The following ST6GALNAC3 variants were observed in gnomAD, a reference collection of about 807,000 sequenced individuals.
ST6GALNAC3 encodes ST6 N-acetylgalactosaminide alpha-2,6-sialyltransferase 3, also known as alpha-N-acetylgalactosaminide alpha-2,6-sialyltransferase 3.
A neutral mutation model predicts 32.7 loss-of-function variants in ST6GALNAC3; 25 were observed. The observed-to-expected ratio is 0.76, with a 90% CI of 0.56 to 1.07. The LOEUF (loss-of-function observed/expected upper bound fraction) is 1.07, where lower values mean the gene tolerates loss of function less well. ST6GALNAC3 is among the 50% of genes least tolerant of loss of function. The pLI, the probability that ST6GALNAC3 is intolerant of heterozygous loss-of-function variation, is 0.00. For missense variants in ST6GALNAC3, 355 were observed against 382.4 expected, an observed-to-expected ratio of 0.93 and a Z score of 0.60; for synonymous variants, 129 against 133.1, an observed-to-expected ratio of 0.97 and a Z score of 0.21.
intron 1 of ST6GALNAC3, among the ~76,000 whole-genome samples, chr1:76,139,233 C>T (rs1378826619): frequency 6.6e-6 from 1 of 151,882 alleles, no homozygotes; most frequent in Non-Finnish European, 1.5e-5. Flanking sequence ...CCTACACATA[C>T]ATGCACAATC....
intron 3 of ST6GALNAC3, among the ~76,000 whole-genome samples, chr1:76,586,207 G>C (rs1646960390): frequency 6.6e-6 from 1 of 152,154 alleles, no homozygotes; most frequent in African/African-American, 2.4e-5. Context: ...ACTATATTTA[G>C]AAGTCTGAAT....
intron 1 of ST6GALNAC3, among the ~76,000 whole-genome samples, chr1:76,131,292 C>A (rs967274485): frequency 6.6e-6 from 1 of 152,204 alleles, no homozygotes; most frequent in Non-Finnish European, 1.5e-5. Context: ...GCCACTTGTT[C>A]TTCAGTGGGA....
At chr1:76,514,774 C>T (rs12725146) in intron 3 of ST6GALNAC3, among the ~76,000 whole-genome samples, 7 of 152,078 alleles carry the variant, frequency 4.6e-5, no homozygotes, top group Non-Finnish European at 1.0e-4. Context: ...CTGGTATTCT[C>T]TTATTACAAC....
chr1:76,435,187 A>G lies in ST6GALNAC3; in HGVS notation c.623+22770A>G, dbSNP rs565367992. On this transcript the variant is annotated intron_variant, in intron 3 of 4. Coordinates refer to ENST00000328299, the MANE Select transcript of ST6GALNAC3 (RefSeq NM_152996.4). ...ATCTATAAAATTGACTTAAACGTCT[A>G]TGTATTCAATATTCAAAAAGTATAT... 2.1e-3 allele frequency among the ~76,000 whole-genome samples: 323 copies of G among 152,266 alleles called. 2 individuals carry two copies. Among genetic ancestry groups the G allele is most frequent in the African/African-American group, 7.5e-3 (312 of 41,578 alleles).
chr1:76,290,538 G>A (rs1660026046), intron 1 of ST6GALNAC3, among the ~76,000 whole-genome samples: 3 of 152,048 alleles, frequency 2.0e-5, no homozygotes, highest in African/African-American at 4.8e-5. Flanking sequence ...ATGTGGGTAC[G>A]TGTCTACAGC....
In ST6GALNAC3 at chr1:76,397,007, T is replaced by C. The variant is rs540444054; in HGVS notation, c.214-15001T>C. ...TGGCACTTCATTAAAGCAGTAAAAA[T>C]ACTGTGGGCTCAGTAATCTCATTTA... On this transcript the variant is annotated intron_variant, in intron 2 of 4. Transcript: ENST00000328299. Among the ~76,000 whole-genome samples, 76 of 152,276 alleles carry C rather than the reference T, an allele frequency of 5.0e-4. 1 individual carries two copies. The South Asian group carries it at 0.011, about 22-fold the overall frequency.
At chr1:76,320,422 G>T (rs912342689) in intron 2 of ST6GALNAC3, among the ~76,000 whole-genome samples, 2 of 151,960 alleles carry the variant, frequency 1.3e-5, no homozygotes, top group Non-Finnish European at 2.9e-5. Context: ...GTCTTGTAGT[G>T]CTCTTACCTT....
At chr1:76,602,250 T>C (rs1235306343) in intron 3 of ST6GALNAC3, among the ~76,000 whole-genome samples, 1 of 152,090 alleles carries the variant, frequency 6.6e-6, no homozygotes, top group Non-Finnish European at 1.5e-5. Context: ...GGGGAATGTG[T>C]CAGTGGGGAG....
rs550337056 is a variant in ST6GALNAC3, at chr1:76,451,242, A to C, written c.623+38825A>C. Reference sequence around the variant, plus strand: ...AGACTGGGTAATTTAGAAAGGAAAGAGGTTTAATGGATTCACAGTTTCACA... The same window carrying C: ...AGACTGGGTAATTTAGAAAGGAAAGCGGTTTAATGGATTCACAGTTTCACA... On this transcript the variant is annotated intron_variant, in intron 3 of 4. Coordinates refer to ENST00000328299, the MANE Select transcript of ST6GALNAC3 (RefSeq NM_152996.4). Among the ~76,000 whole-genome samples the C allele has an allele frequency of 1.9e-3, 296 of 152,328 alleles. 3 individuals are homozygous for C. Among genetic ancestry groups the C allele is most frequent in the African/African-American group, 6.9e-3 (285 of 41,568 alleles).
chr1:76,111,429 A>AT lies in ST6GALNAC3; in HGVS notation c.18+36556dup, dbSNP rs572131805. On this transcript the variant is annotated intron_variant, in intron 1 of 4. Transcript: ENST00000328299. ...GTCAGGTGGGAGGTTCCCAAATGAC[A>AT]TTTTTTTTTTTCATAATAAAATAAT... is the stretch of plus-strand genomic sequence containing the variant. Among the ~76,000 whole-genome samples the AT allele has an allele frequency of 1.6e-4, 22 of 135,760 alleles. No homozygotes were observed. In the East Asian group the frequency reaches 1.8e-3, roughly 11 times the overall value. 89.1% of individuals were successfully genotyped at this position (135,760 alleles called of 152,430 possible).
In ST6GALNAC3 at chr1:76,470,322, T is replaced by C. The variant is rs114512915; in HGVS notation, c.623+57905T>C. Among the ~76,000 whole-genome samples the C allele has an allele frequency of 5.7e-3, 863 of 152,132 alleles. 3 individuals are homozygous for C. Among genetic ancestry groups the C allele is most frequent in the Non-Finnish European group, 9.2e-3 (625 of 67,954 alleles). ...GTGGAAATGAATCACAGCTTATGGT[T>C]GCAAAAGATTCCACATGAAGCTAAT... On this transcript the variant is annotated intron_variant, in intron 3 of 4. Transcript: ENST00000328299.
intron 3 of ST6GALNAC3, among the ~76,000 whole-genome samples, chr1:76,554,288 T>A (rs971216204): frequency 6.6e-6 from 1 of 152,202 alleles, no homozygotes; most frequent in Non-Finnish European, 1.5e-5. Flanking sequence ...AAAGTGCATC[T>A]GTGAATTTTA....
At chr1:76,609,036 G>A (rs1471972069) in intron 3 of ST6GALNAC3, among the ~76,000 whole-genome samples, 1 of 152,200 alleles carries the variant, frequency 6.6e-6, no homozygotes, top group East Asian at 1.9e-4. Flanking sequence ...GGTTATAAGA[G>A]AAAATTATTA....
chr1:76,290,599 A>G (rs890794658), intron 1 of ST6GALNAC3, among the ~76,000 whole-genome samples: 1 of 152,182 alleles, frequency 6.6e-6, no homozygotes, highest in Non-Finnish European at 1.5e-5. Context: ...TGAGGCTCAG[A>G]GAGGTGACAC....
intron 3 of ST6GALNAC3, among the ~76,000 whole-genome samples, chr1:76,609,732 A>C (rs1185158992): frequency 6.6e-6 from 1 of 152,200 alleles, no homozygotes; most frequent in Non-Finnish European, 1.5e-5. Flanking sequence ...TCCAGTAGTG[A>C]AGAATTCCAT....
At chr1:76,210,018 C>G (rs1295998902) in intron 1 of ST6GALNAC3, among the ~76,000 whole-genome samples, 1 of 151,664 alleles carries the variant, frequency 6.6e-6, no homozygotes, top group African/African-American at 2.4e-5. Flanking sequence ...GTGCCCATAA[C>G]AGGTCCACTT....
intron 3 of ST6GALNAC3, among the ~76,000 whole-genome samples, chr1:76,429,100 T>C (rs1655581102): frequency 1.3e-5 from 2 of 152,162 alleles, no homozygotes; most frequent in Non-Finnish European, 2.9e-5. Context: ...TCTGTGCTTA[T>C]ATATTTGTGT....
chr1:76,404,882 G>C (rs1240271116), intron 2 of ST6GALNAC3, among the ~76,000 whole-genome samples: 1 of 152,074 alleles, frequency 6.6e-6, no homozygotes, highest in Non-Finnish European at 1.5e-5. Context: ...GGAACCATTA[G>C]AGTAGTGTAA....
chr1:76,131,740 A>G (rs983432365), intron 1 of ST6GALNAC3, among the ~76,000 whole-genome samples: 1 of 152,178 alleles, frequency 6.6e-6, no homozygotes, highest in Non-Finnish European at 1.5e-5. Context: ...TTCTTGTATT[A>G]AAAGAGTAAT....
Sources: allele counts gnomAD v4.1 joint callset (sites outside exome capture counted in the v4.1 genomes callset), GRCh38; gene constraint gnomAD v4.1.1; transcripts MANE v1.5; gene names NCBI Gene and HGNC (gene_info 2026-07-23, HGNC 2026-07-21).